Variants in GRIA4 observed in about 807,000 individuals in gnomAD.
The protein encoded by GRIA4 is glutamate ionotropic receptor AMPA type subunit 4, also known as glutamate receptor 4.
In GRIA4, 34 loss-of-function variants were observed where a neutral mutation model predicts 104.0. That is an observed-to-expected ratio of 0.33 (90% CI 0.25 to 0.44). The LOEUF is 0.44. Among genes scored for constraint, GRIA4 ranks in the 20% least tolerant of loss-of-function variants. The pLI, the probability that GRIA4 is intolerant of heterozygous loss-of-function variation, is 1.00. For missense variants in GRIA4, 750 were observed against 1,096.5 expected (o/e 0.68, Z 4.46); for synonymous variants, 386 against 381.9 (o/e 1.01, Z -0.13).
At chr11:105,645,169 A>G (rs1435310437) in intron 3 of GRIA4, among the ~76,000 whole-genome samples, 1 of 152,190 alleles carries the variant, frequency 6.6e-6, no homozygotes, top group Admixed American at 6.5e-5. Context: ...GGGTCGGGGG[A>G]AAGAAGTGAA....
At chr11:105,881,944 G>A (rs1177522822) in intron 5 of GRIA4, among the ~76,000 whole-genome samples, 1 of 152,118 alleles carries the variant, frequency 6.6e-6, no homozygotes, top group African/African-American at 2.4e-5. Context: ...TTACAAGGTT[G>A]TAGTTTAAGT....
intron 16 of GRIA4, among the ~76,000 whole-genome samples, chr11:105,976,450 C>A (rs1001462873): frequency 6.7e-6 from 1 of 148,260 alleles, no homozygotes; most frequent in African/African-American, 2.5e-5. Flanking sequence ...CATGAATTGC[C>A]TTTAGAGGTA....
intron 3 of GRIA4, among the ~76,000 whole-genome samples, chr11:105,702,273 C>G (rs982858974): frequency 1.3e-5 from 2 of 151,984 alleles, no homozygotes; most frequent in Non-Finnish European, 2.9e-5. Flanking sequence ...AATGATAAAC[C>G]ATAATGTTTT....
At position 105,753,009 on chromosome 11, in the gene GRIA4, T is replaced by A. The variant is rs896602790; in HGVS notation, c.276T>A (p.Phe92Leu). ...GTTCCCAGTATTCTAGAGGAGTATTTGCCATTTTTGGACTCTATGATAAGA... is the reference window on the plus strand; with the variant it reads ...GTTCCCAGTATTCTAGAGGAGTATTAGCCATTTTTGGACTCTATGATAAGA... ...AFCSQYSRGV[F>L]AIFGLYDKRS... Residue 92 changes from phenylalanine (F) to leucine (L), a missense_variant, in exon 4 of 17, where the codon TTT becomes TTA. Around this residue, in one of 3 missense-constraint regions of GRIA4, gnomAD observed 410 missense variants for 502.7 expected, o/e 0.82. Coordinates refer to ENST00000282499, the MANE Select transcript of GRIA4 (RefSeq NM_000829.4). The A allele has an allele frequency of 9.9e-6, 16 of 1,613,216 alleles. No individual in the cohort carries two copies. In the Admixed American group the frequency reaches 1.7e-4, roughly 17 times the overall value.
intron 14 of GRIA4, among the ~76,000 whole-genome samples, chr11:105,938,940 C>T (rs1328249889): frequency 6.6e-6 from 1 of 152,154 alleles, no homozygotes; most frequent in Non-Finnish European, 1.5e-5. Flanking sequence ...TGAAACTTAC[C>T]AGGGCCATTT....
At chr11:105,868,383 C>A (rs2136041812) in intron 5 of GRIA4, among the ~76,000 whole-genome samples, 1 of 152,270 alleles carries the variant, frequency 6.6e-6, no homozygotes, top group East Asian at 1.9e-4. Context: ...AGATTCCTTG[C>A]ATTACACCAG....
At chr11:105,784,519 C>T (rs923416194) in intron 4 of GRIA4, among the ~76,000 whole-genome samples, 1 of 152,190 alleles carries the variant, frequency 6.6e-6, no homozygotes, top group Non-Finnish European at 1.5e-5. Context: ...CCCTGGTAGA[C>T]AGCAGAGTGC....
chr11:105,776,972 T>C (rs529758301), intron 4 of GRIA4, among the ~76,000 whole-genome samples: 2 of 152,184 alleles, frequency 1.3e-5, no homozygotes, highest in Non-Finnish European at 2.9e-5. Context: ...CCCTTGGCCC[T>C]GCATGCACGT....
At chr11:105,957,291 G>T (rs973310030) in intron 14 of GRIA4, among the ~76,000 whole-genome samples, 2 of 152,110 alleles carry the variant, frequency 1.3e-5, no homozygotes, top group Admixed American at 6.5e-5. Context: ...TTTTGTATAA[G>T]GTGTAAGGAA....
At chr11:105,668,020 T>C (rs892660775) in intron 3 of GRIA4, among the ~76,000 whole-genome samples, 4 of 151,566 alleles carry the variant, frequency 2.6e-5, no homozygotes, top group African/African-American at 9.7e-5. Flanking sequence ...CCCTAGCCCA[T>C]GGCAACCAGC....
chr11:105,798,255 GA>G (rs1942573723), intron 4 of GRIA4, among the ~76,000 whole-genome samples: 1 of 152,042 alleles, frequency 6.6e-6, no homozygotes, highest in Admixed American at 6.6e-5. Context: ...TAAGATAAAG[GA>G]AAAGTTGAAT....
At chr11:105,857,520 G>A (rs887115531) in intron 4 of GRIA4, among the ~76,000 whole-genome samples, 10 of 152,162 alleles carry the variant, frequency 6.6e-5, no homozygotes, top group Non-Finnish European at 1.5e-4. Context: ...TCCCAAACCA[G>A]TTCCCATAAT....
intron 4 of GRIA4, among the ~76,000 whole-genome samples, chr11:105,796,195 C>G (rs563156595): frequency 3.9e-5 from 6 of 152,164 alleles, no homozygotes; most frequent in Non-Finnish European, 8.8e-5. Flanking sequence ...TTCCATCCAA[C>G]TTATCCATTA....
intron 4 of GRIA4, among the ~76,000 whole-genome samples, chr11:105,797,104 G>A (rs1942509038): frequency 6.6e-6 from 1 of 152,072 alleles, no homozygotes; most frequent in Non-Finnish European, 1.5e-5. Flanking sequence ...AGCTACTCCA[G>A]AGGCTGAGAT....
chr11:105,907,021 T>A (rs189671427), intron 9 of GRIA4, among the ~76,000 whole-genome samples: 64 of 152,272 alleles, frequency 4.2e-4, no homozygotes, highest in African/African-American at 1.5e-3. Context: ...AAAACGCAAA[T>A]GACAATTACT....
At chr11:105,615,629 AT>A (rs1950581248) in intron 3 of GRIA4, among the ~76,000 whole-genome samples, 1 of 151,828 alleles carries the variant, frequency 6.6e-6, no homozygotes, top group South Asian at 2.1e-4. Flanking sequence ...TAAAAAATAA[AT>A]TTAATATAGG....
chr11:105,869,485 G>A (rs1313129725), intron 5 of GRIA4, among the ~76,000 whole-genome samples: 1 of 151,988 alleles, frequency 6.6e-6, no homozygotes, highest in East Asian at 1.9e-4. Context: ...TTTAGGGAGA[G>A]GTAAGTTATA....
At chr11:105,857,223 T>C (rs1432731242) in intron 4 of GRIA4, among the ~76,000 whole-genome samples, 2 of 152,130 alleles carry the variant, frequency 1.3e-5, no homozygotes, top group Admixed American at 6.6e-5. Context: ...TGGCATTAAA[T>C]GCAGTGAGGA....
rs796356784 is a variant in GRIA4 at position 105,618,232 on chromosome 11, G to A, written c.247+5798G>A. The stretch of plus-strand genomic sequence containing the variant: ...AGGACACTCTTCTGAATACAAAGAG[G>A]GACCCATAAATGATTGGAACACAAT... On this transcript the variant is annotated intron_variant, in intron 3 of 16. Coordinates refer to ENST00000282499, the MANE Select transcript of GRIA4 (RefSeq NM_000829.4). Among the ~76,000 whole-genome samples the A allele has an allele frequency of 3.3e-5, 5 of 151,930 alleles. 1 individual carries two copies. The highest frequency in any genetic ancestry group is 1.2e-4 in the African/African-American group (5 of 41,472).
Sources: allele counts gnomAD v4.1 joint callset (sites outside exome capture counted in the v4.1 genomes callset), GRCh38; gene constraint gnomAD v4.1.1; regional missense constraint gnomAD v4.1.1; transcripts MANE v1.5; gene names NCBI Gene and HGNC (gene_info 2026-07-23, HGNC 2026-07-21).